The following OR6N1 variants were observed in gnomAD, a reference collection of about 807,000 sequenced individuals.
OR6N1 encodes olfactory receptor 6N1.
For missense variants in OR6N1, 394 were observed against 371.7 expected (o/e 1.06, Z -0.49); for synonymous variants, 170 against 150.7 (o/e 1.13, Z -0.94).
chr1:158,787,635 T>TCTCTCACACACACA, the OR6N1 span, among the ~76,000 whole-genome samples: 10 of 134,316 alleles, frequency 7.4e-5, no homozygotes, highest in African/African-American at 2.7e-4. Flanking sequence ...TCTCTCTCTC[T>TCTCTCACACACACA]CACACACACA....
the OR6N1 span, among the ~76,000 whole-genome samples, chr1:158,834,501 G>A: frequency 6.6e-6 from 1 of 152,152 alleles, no homozygotes; most frequent in Non-Finnish European, 1.5e-5. Context: ...GGAGTTGGCT[G>A]TATATTCTGG....
chr1:158,811,486 C>T, the OR6N1 span, among the ~76,000 whole-genome samples: 23 of 152,078 alleles, frequency 1.5e-4, 1 homozygote, highest in South Asian at 4.1e-4. Flanking sequence ...CATCACTTTC[C>T]TTTTCATCAC....
chr1:158,829,016 G>A, the OR6N1 span, among the ~76,000 whole-genome samples: 1 of 152,226 alleles, frequency 6.6e-6, no homozygotes, highest in Non-Finnish European at 1.5e-5. Flanking sequence ...TGGCTGGGAT[G>A]TAGGGCACTA....
At chr1:158,790,082 A>G in the OR6N1 span, among the ~76,000 whole-genome samples, 1 of 152,158 alleles carries the variant, frequency 6.6e-6, no homozygotes, top group African/African-American at 2.4e-5. Flanking sequence ...TGCACCATTT[A>G]TGGAAGAGAC....
At chr1:158,791,610 C>T in the OR6N1 span, among the ~76,000 whole-genome samples, 1 of 151,812 alleles carries the variant, frequency 6.6e-6, no homozygotes, top group Non-Finnish European at 1.5e-5. Flanking sequence ...GCTGGGATTA[C>T]AGGCATGCGC....
the OR6N1 span, among the ~76,000 whole-genome samples, chr1:158,839,933 C>T: frequency 6.6e-6 from 1 of 152,030 alleles, no homozygotes; most frequent in African/African-American, 2.4e-5. Flanking sequence ...TTTTTTAAAC[C>T]ATAACATTCA....
chr1:158,781,413 T>C, the OR6N1 span, among the ~76,000 whole-genome samples: 6 of 152,224 alleles, frequency 3.9e-5, no homozygotes, highest in Admixed American at 3.3e-4. Flanking sequence ...ACCTCTCACC[T>C]GCAGAGGTGG....
chr1:158,828,319 T>C, the OR6N1 span, among the ~76,000 whole-genome samples: 1 of 152,186 alleles, frequency 6.6e-6, no homozygotes, highest in Non-Finnish European at 1.5e-5. Flanking sequence ...CCTATGAGCC[T>C]GTAAAATCAA....
chr1:158,807,211 C>G, the OR6N1 span, among the ~76,000 whole-genome samples: 2 of 151,884 alleles, frequency 1.3e-5, no homozygotes, highest in Non-Finnish European at 2.9e-5. Context: ...AATTTTATTA[C>G]GTAAATATTG....
In OR6N1 at chr1:158,765,520, G is replaced by C. The variant is rs563740535; in HGVS notation, c.*224C>G. On this transcript the variant is annotated 3_prime_UTR_variant, in exon 2 of 2. Coordinates refer to ENST00000641846, the MANE Select transcript of OR6N1 (RefSeq NM_001005185.2). ...TTTGAAAATCACTGCACTACATCAT[G>C]TTGAAGGGATGTGTACTTTCCCTAG... 4 of 488,038 alleles carry C rather than the reference G, an allele frequency of 8.2e-6. No homozygotes were observed. The highest frequency in any genetic ancestry group is 3.5e-5 in the Admixed American group (1 of 28,602). The allele number at this position is 488,038 out of a possible 1,614,324, so 30.2% of individuals were successfully genotyped here.
At chr1:158,787,959 T>C in the OR6N1 span, among the ~76,000 whole-genome samples, 1 of 152,140 alleles carries the variant, frequency 6.6e-6, no homozygotes, top group African/African-American at 2.4e-5. Flanking sequence ...TCTGACAGGA[T>C]GATGGCAGAG....
At chr1:158,814,088 G>A in the OR6N1 span, among the ~76,000 whole-genome samples, 1 of 152,110 alleles carries the variant, frequency 6.6e-6, no homozygotes, top group Non-Finnish European at 1.5e-5. Context: ...GAGAGTTTTA[G>A]TTAAATGCTT....
chr1:158,793,891 C>A, the OR6N1 span, among the ~76,000 whole-genome samples: 1 of 152,144 alleles, frequency 6.6e-6, no homozygotes, highest in East Asian at 1.9e-4. Flanking sequence ...TGCACCAGGT[C>A]TTTTCAGGAG....
At chr1:158,839,590 C>G in the OR6N1 span, among the ~76,000 whole-genome samples, 1 of 152,170 alleles carries the variant, frequency 6.6e-6, no homozygotes, top group East Asian at 1.9e-4. Context: ...AAGGAACCTA[C>G]AGAGAAGCTA....
At chr1:158,826,246 A>G in the OR6N1 span, among the ~76,000 whole-genome samples, 1 of 152,202 alleles carries the variant, frequency 6.6e-6, no homozygotes, top group Non-Finnish European at 1.5e-5. Context: ...TATAACAAAC[A>G]TGTACACATA....
the OR6N1 span, among the ~76,000 whole-genome samples, chr1:158,817,643 A>G: frequency 6.6e-6 from 1 of 152,174 alleles, no homozygotes; most frequent in Non-Finnish European, 1.5e-5. Flanking sequence ...TGAAGTAATG[A>G]GAAGGAAGAG....
chr1:158,819,479 G>T, the OR6N1 span, among the ~76,000 whole-genome samples: 1 of 151,834 alleles, frequency 6.6e-6, no homozygotes, highest in Non-Finnish European at 1.5e-5. Flanking sequence ...AGTTTTTTTT[G>T]AACTATGATA....
chr1:158,773,298 T>C (rs1276258596), upstream of OR6N1, among the ~76,000 whole-genome samples: 1 of 152,160 alleles, frequency 6.6e-6, no homozygotes, highest in Non-Finnish European at 1.5e-5. Context: ...ATACGTAGAG[T>C]TTAAGTAATA....
chr1:158,820,823 C>T, the OR6N1 span, among the ~76,000 whole-genome samples: 5 of 152,220 alleles, frequency 3.3e-5, no homozygotes, highest in African/African-American at 7.2e-5. Context: ...AAGGAGACCT[C>T]GGTGCTGTTT....
Sources: gnomAD v4.1 joint callset for allele counts (sites outside exome capture counted in the v4.1 genomes callset) on GRCh38, gnomAD v4.1.1 for gene constraint, MANE v1.5 for transcripts, NCBI Gene and HGNC (gene_info 2026-07-23, HGNC 2026-07-21) for gene names.